The following MRPS27 variants were observed in gnomAD, a reference collection of about 807,000 sequenced individuals.
MRPS27 encodes the protein mitochondrial ribosomal protein S27, also known as small ribosomal subunit protein mS27.
In MRPS27, 43 loss-of-function variants were observed where a neutral mutation model predicts 48.9. That is an observed-to-expected ratio of 0.88 (90% CI 0.69 to 1.13). The LOEUF is 1.13. Among genes scored for constraint, MRPS27 ranks in the 50% most tolerant of loss-of-function variants. The probability of loss-of-function intolerance (pLI) is 0.00; values close to 1 mark genes in which losing one functional copy is unlikely to be tolerated. For missense variants in MRPS27, 467 were observed against 476.3 expected, an observed-to-expected ratio of 0.98 and a Z score of 0.18; for synonymous variants, 188 against 171.9, an observed-to-expected ratio of 1.09 and a Z score of -0.73.
intron 4 of MRPS27, among the ~76,000 whole-genome samples, chr5:72,274,320 C>A (rs913374012): frequency 1.3e-5 from 2 of 152,336 alleles, no homozygotes; most frequent in Middle Eastern, 6.8e-3. Flanking sequence ...CTCCACTGCA[C>A]TCCAGCCTGG....
chr5:72,247,781 T>C (rs925002808), intron 4 of MRPS27, among the ~76,000 whole-genome samples: 9 of 152,210 alleles, frequency 5.9e-5, no homozygotes, highest in Non-Finnish European at 1.2e-4. Context: ...TATTGTTTTA[T>C]ATACTGTTAC....
intron 3 of MRPS27, among the ~76,000 whole-genome samples, chr5:72,297,142 T>C (rs766336609): frequency 6.6e-6 from 1 of 152,212 alleles, no homozygotes; most frequent in African/African-American, 2.4e-5. Flanking sequence ...AAGGAACTAA[T>C]ACATTCAAAA....
chr5:72,302,442 A>G (rs1176130377), intron 2 of MRPS27, among the ~76,000 whole-genome samples: 1 of 152,258 alleles, frequency 6.6e-6, no homozygotes, highest in East Asian at 1.9e-4. Context: ...TTTGGGAGCA[A>G]CCATGGGAGG....
chr5:72,308,519 A>C (rs1324359208), intron 2 of MRPS27, among the ~76,000 whole-genome samples: 1 of 152,118 alleles, frequency 6.6e-6, no homozygotes, highest in African/African-American at 2.4e-5. Flanking sequence ...CGCGCACGCT[A>C]CCCGACAGCC....
intron 4 of MRPS27, among the ~76,000 whole-genome samples, chr5:72,257,857 G>C (rs543890811): frequency 2.5e-4 from 38 of 152,172 alleles, no homozygotes; most frequent in Non-Finnish European, 4.4e-4. Flanking sequence ...GGCTGAGGTG[G>C]GCAGATCATG....
intron 3 of MRPS27, among the ~76,000 whole-genome samples, chr5:72,296,345 T>C (rs1749979182): frequency 6.6e-6 from 1 of 152,330 alleles, no homozygotes; most frequent in South Asian, 2.1e-4. Flanking sequence ...CTAGCACTTC[T>C]GGACTTGACT....
intron 4 of MRPS27, among the ~76,000 whole-genome samples, chr5:72,258,711 A>G (rs1202317974): frequency 6.6e-6 from 1 of 152,194 alleles, no homozygotes; most frequent in Non-Finnish European, 1.5e-5. Context: ...CCCTCACCAG[A>G]TAGCAAACCT....
intron 4 of MRPS27, among the ~76,000 whole-genome samples, chr5:72,249,576 T>C (rs1421766567): frequency 1.3e-5 from 2 of 151,926 alleles, no homozygotes; most frequent in Admixed American, 6.6e-5. Context: ...TCCCAGCTAC[T>C]TGGGAGGCTG....
intron 4 of MRPS27, among the ~76,000 whole-genome samples, chr5:72,268,584 C>T (rs1749157490): frequency 6.6e-6 from 1 of 152,152 alleles, no homozygotes; most frequent in Non-Finnish European, 1.5e-5. Context: ...GAAATAAGTG[C>T]TCCTTCAGGC....
At chr5:72,298,957 T>C (rs1168346982) in intron 2 of MRPS27, among the ~76,000 whole-genome samples, 1 of 151,748 alleles carries the variant, frequency 6.6e-6, no homozygotes, top group Non-Finnish European at 1.5e-5. Flanking sequence ...AATGAAACCA[T>C]GTCCTTTGCA....
intron 4 of MRPS27, among the ~76,000 whole-genome samples, chr5:72,254,192 T>C (rs1346523058): frequency 6.6e-6 from 1 of 152,240 alleles, no homozygotes; most frequent in Admixed American, 6.5e-5. Flanking sequence ...GCTAGAGGAA[T>C]GGCTCCCACA....
chr5:72,249,989 CAAAAAACA>C (rs1170128444), intron 4 of MRPS27, among the ~76,000 whole-genome samples: 1 of 151,482 alleles, frequency 6.6e-6, no homozygotes, highest in Non-Finnish European at 1.5e-5. Context: ...ATCTCAAAAA[CAAAAAACA>C]AAAAAACAAA....
intron 2 of MRPS27, among the ~76,000 whole-genome samples, chr5:72,309,810 GC>G (rs1750390379): frequency 6.6e-6 from 1 of 152,204 alleles, no homozygotes; most frequent in Non-Finnish European, 1.5e-5. Context: ...AACACGCCTT[GC>G]TGTATAACTA....
intron 8 of MRPS27, 115 bp downstream of exon 8, chr5:72,228,151 A>G: frequency 1.1e-6 from 1 of 897,520 alleles, no homozygotes; most frequent in Non-Finnish European, 1.8e-6. Flanking sequence ...CTAAAAACGA[A>G]GGCTAATTGG....
intron 2 of MRPS27, among the ~76,000 whole-genome samples, chr5:72,303,378 C>T (rs961466): frequency 0.063 from 9,617 of 151,972 alleles, 548 homozygotes; most frequent in African/African-American, 0.15. Context: ...AACTGAAAGG[C>T]AGATAATTAC....
intron 4 of MRPS27, among the ~76,000 whole-genome samples, chr5:72,288,446 C>T (rs750979528): frequency 7.2e-5 from 11 of 152,150 alleles, no homozygotes; most frequent in Non-Finnish European, 1.6e-4. Context: ...CTCCTGACCT[C>T]GTGATCTGCC....
chr5:72,231,012 C>T (rs1748052350), intron 7 of MRPS27, among the ~76,000 whole-genome samples: 1 of 152,088 alleles, frequency 6.6e-6, no homozygotes, highest in Admixed American at 6.6e-5. Context: ...CCATCCTTGC[C>T]CTGCTCTGAT....
intron 7 of MRPS27, 97 bp downstream of exon 7, chr5:72,232,346 G>A: frequency 1.3e-6 from 1 of 754,192 alleles, no homozygotes. Context: ...GTTGTGCCTG[G>A]CCACAGAGCT....
intron 2 of MRPS27, among the ~76,000 whole-genome samples, chr5:72,298,112 A>G (rs1750027360): frequency 6.6e-6 from 1 of 152,246 alleles, no homozygotes; most frequent in Admixed American, 6.5e-5. Flanking sequence ...AATGGGAGAA[A>G]ATATTCACAA....
Sources: gnomAD v4.1 joint callset for allele counts (sites outside exome capture counted in the v4.1 genomes callset) on GRCh38, gnomAD v4.1.1 for gene constraint, MANE v1.5 for transcripts, NCBI Gene and HGNC (gene_info 2026-07-23, HGNC 2026-07-21) for gene names.